SMARCA4: variants seen among roughly 807,000 people sequenced by gnomAD.
SMARCA4 encodes SWI/SNF related BAF chromatin remodeling complex subunit ATPase 4.
SMARCA4 carries 31 observed loss-of-function variants against 193.9 expected under a neutral mutation model. The ratio of observed to expected loss-of-function variants is 0.16; its 90% CI spans 0.12 to 0.22. The LOEUF (loss-of-function observed/expected upper bound fraction) is 0.22. SMARCA4 is among the 10% of genes least tolerant of loss of function. The pLI, the probability that SMARCA4 is intolerant of heterozygous loss-of-function variation, is 1.00. For missense variants in SMARCA4, 1,148 were observed against 2,296.0 expected, an observed-to-expected ratio of 0.50 and a Z score of 10.22; for synonymous variants, 942 against 933.1, an observed-to-expected ratio of 1.01 and a Z score of -0.17.
chr19:11,009,930 C>G (rs2088655886), intron 14 of SMARCA4, among the ~76,000 whole-genome samples: 1 of 152,126 alleles, frequency 6.6e-6, no homozygotes, highest in Non-Finnish European at 1.5e-5. Flanking sequence ...CTCAGGTGAT[C>G]CACATGCCTT....
chr19:10,988,682 A>G (rs753272364), intron 6 of SMARCA4, among the ~76,000 whole-genome samples: 1 of 152,018 alleles, frequency 6.6e-6, no homozygotes, highest in Non-Finnish European at 1.5e-5. Context: ...TGTCACTTCC[A>G]GCCACTCTCT....
intron 19 of SMARCA4, among the ~76,000 whole-genome samples, chr19:11,022,314 T>G (rs541975058): frequency 1.3e-4 from 20 of 152,196 alleles, no homozygotes; most frequent in Admixed American, 4.6e-4. Flanking sequence ...TGTAGGCCCC[T>G]TTAGGTGCCC....
chr19:11,054,406 T>G (rs1187024021), intron 30 of SMARCA4, among the ~76,000 whole-genome samples: 1 of 152,178 alleles, frequency 6.6e-6, no homozygotes, highest in Non-Finnish European at 1.5e-5. Flanking sequence ...CCTGTGTGTT[T>G]CTGCATCATC....
intron 30 of SMARCA4, among the ~76,000 whole-genome samples, chr19:11,056,013 A>C (rs145311416): frequency 6.6e-6 from 1 of 152,062 alleles, no homozygotes. Context: ...GTAAAGCGCA[A>C]CTCTTGCTGT....
At chr19:11,039,626 T>A (rs2075467775) in intron 29 of SMARCA4, 5 of 748,432 alleles carry the variant, frequency 6.7e-6, no homozygotes, top group Non-Finnish European at 6.3e-6. Context: ...GCCCCTGAAC[T>A]GTGTACTAAA....
intron 16 of SMARCA4, among the ~76,000 whole-genome samples, chr19:11,014,556 G>C (rs144035866): frequency 6.6e-6 from 1 of 152,258 alleles, no homozygotes; most frequent in East Asian, 1.9e-4. Context: ...TCTGTGTCTG[G>C]AGGCTGTTCC....
chr19:11,017,548 C>T (rs1015151654), intron 16 of SMARCA4, among the ~76,000 whole-genome samples: 3 of 152,264 alleles, frequency 2.0e-5, no homozygotes, highest in Admixed American at 2.0e-4. Context: ...ATTGCTGCCT[C>T]CTGCCATGAG....
Position 10,986,718 on chromosome 19 carries a change from C to A in SMARCA4, c.760+125C>A. 1 of 1,413,148 alleles carries A rather than the reference C, an allele frequency of 7.1e-7. No homozygotes were observed. The highest frequency in any genetic ancestry group is 9.6e-7 in the Non-Finnish European group (1 of 1,039,624). 87.5% of individuals were successfully genotyped at this position (1,413,148 alleles called of 1,614,324 possible). A position where few individuals can be genotyped will look rare whatever the true frequency, so the allele number is the denominator to read the frequency against. The stretch of plus-strand genomic sequence containing the variant: ...CGGTTTGGGATTGCACGGGCCCATA[C>A]TGCACTTCTGGGTGCTCGGGTGGTG... On this transcript the variant is annotated intron_variant, in intron 4 of 34. Coordinates refer to ENST00000344626, the MANE Select transcript of SMARCA4 (RefSeq NM_003072.5). This position sits in a 1 kb window ranked among gnomAD's most constrained non-coding sequence, Gnocchi z 6.7.
At position 11,019,351 on chromosome 19, in the gene SMARCA4, G is replaced by A. The variant is rs573618396; in HGVS notation, c.2506-240G>A. On this transcript the variant is annotated intron_variant, in intron 17 of 34. Transcript: ENST00000344626. The surrounding 1 kb of genome is among the most constrained non-coding windows in gnomAD (Gnocchi z 6.1). ...TGCAGATGGCGGTGCAGGCTGCGTGGTTCCCTCAGGCCCCGGCCGCCGCTG... is the reference window on the plus strand; with the variant it reads ...TGCAGATGGCGGTGCAGGCTGCGTGATTCCCTCAGGCCCCGGCCGCCGCTG... 4.6e-5 allele frequency: 28 copies of A among 605,792 alleles called. No individual in the cohort carries two copies. Among genetic ancestry groups the A allele is most frequent in the Non-Finnish European group, 7.7e-5 (26 of 339,596 alleles). The allele number at this position is 605,792 out of a possible 1,614,324, so 37.5% of individuals were successfully genotyped here.
intron 30 of SMARCA4, among the ~76,000 whole-genome samples, chr19:11,048,669 G>A (rs1033642770): frequency 7.2e-5 from 11 of 152,214 alleles, no homozygotes; most frequent in African/African-American, 2.2e-4. Context: ...CTGGGCACCC[G>A]CTGCTGTGTT....
At chr19:11,056,669 C>G (rs2076564101) in intron 30 of SMARCA4, among the ~76,000 whole-genome samples, 1 of 152,118 alleles carries the variant, frequency 6.6e-6, no homozygotes, top group Non-Finnish European at 1.5e-5. Context: ...AGGGGAGGTG[C>G]AGGGACAGGA....
At position 11,058,592 on chromosome 19, in the gene SMARCA4, G is replaced by A. The variant is rs935790763; in HGVS notation, c.4534-196G>A. 1.3e-5 allele frequency among the ~76,000 whole-genome samples: 2 copies of A among 152,132 alleles called. No homozygotes were observed. Among genetic ancestry groups the A allele is most frequent in the African/African-American group, 4.8e-5 (2 of 41,402 alleles). On this transcript the variant is annotated intron_variant, in intron 31 of 34. Coordinates refer to ENST00000344626, the MANE Select transcript of SMARCA4 (RefSeq NM_003072.5). This position sits in a 1 kb window ranked among gnomAD's most constrained non-coding sequence, Gnocchi z 5.8. ...CAGTCGGTGTTGGGTGTTCCTTCAA[G>A]GTCCCACTCACTTAGTGCTGGGCCT... is the stretch of plus-strand genomic sequence containing the variant.
At chr19:11,025,378 A>G (rs1386273838) in intron 21 of SMARCA4, 44 bp from the exon 22 acceptor site, 1 of 1,353,628 alleles carries the variant, frequency 7.4e-7, no homozygotes, top group African/African-American at 1.4e-5. Context: ...ACCCCACCCC[A>G]GGAGGGCAAG....
Position 11,027,798 on chromosome 19 carries a change from G to A in SMARCA4, c.3230G>A (p.Arg1077Gln), listed in dbSNP as rs2146541619. The change falls in exon 24 of 35, where the codon CGA becomes CAA. Residue 1077 changes from arginine to glutamine, a missense_variant. Arg to Gln is a conservative substitution (Grantham distance 43, BLOSUM62 1). This residue lies in a region of SMARCA4 where 74 missense variants were observed against 392.3 expected (regional missense o/e 0.19). Coordinates refer to ENST00000344626, the MANE Select transcript of SMARCA4 (RefSeq NM_003072.5). ...GGIVQGLDLY[R>Q]ASGKFELLDR... is the part of the protein sequence containing the mutation. ...CCACACTCCAGGCTGGACCTGTACC[G>A]AGCCTCGGGTAAATTTGAGCTTCTT... 6.2e-7 allele frequency: 1 copy of A among 1,614,064 alleles called. No individual in the cohort carries two copies.
chr19:10,987,041 T>C lies in SMARCA4; in HGVS notation c.859+38T>C. ...TTCTATGGTGGTGCACCCGTGCCCTTACTCCCCATCTCAAGCTTGGGTCCT... is the reference window on the plus strand; with the variant it reads ...TTCTATGGTGGTGCACCCGTGCCCTCACTCCCCATCTCAAGCTTGGGTCCT... On this transcript the variant is annotated intron_variant, in intron 5 of 34. Coordinates refer to ENST00000344626, the MANE Select transcript of SMARCA4 (RefSeq NM_003072.5). The surrounding 1 kb of genome is among the most constrained non-coding windows in gnomAD (Gnocchi z 5.3). The C allele has an allele frequency of 6.9e-7, 1 of 1,451,696 alleles. No homozygotes were observed. Among genetic ancestry groups the C allele is most frequent in the Non-Finnish European group, 9.6e-7 (1 of 1,045,706 alleles). 89.9% of individuals were successfully genotyped at this position (1,451,696 alleles called of 1,614,324 possible). A position where few individuals can be genotyped will look rare whatever the true frequency, so the allele number is the denominator to read the frequency against.
Position 10,987,640 on chromosome 19 carries a change from C to T in SMARCA4, c.860-26C>T, listed in dbSNP as rs748786800. 2.2e-5 allele frequency: 35 copies of T among 1,612,350 alleles called. No homozygotes were observed. Among genetic ancestry groups the T allele is most frequent in the African/African-American group, 8.0e-5 (6 of 74,892 alleles). The stretch of plus-strand genomic sequence containing the variant: ...GGATGGGCCCCAGAGCTCAACATGA[C>T]GCCCTGGCCCCTTGCCTTCTCCCAG... On this transcript the variant is annotated intron_variant, in intron 5 of 34. Transcript: ENST00000344626. This position sits in a 1 kb window ranked among gnomAD's most constrained non-coding sequence, Gnocchi z 5.3.
rs575962887 is a variant in SMARCA4, at chr19:11,006,331, C to T, written c.2002-1571C>T. ...TGCAACATGAATGATTAAACAAGTT[C>T]GTAGATAACTTGCAGTAAACTGAGA... On this transcript the variant is annotated intron_variant, in intron 13 of 34. Transcript: ENST00000344626. 5.3e-5 allele frequency among the ~76,000 whole-genome samples: 8 copies of T among 152,310 alleles called. No individual in the cohort carries two copies. The East Asian group carries it at 5.8e-4, about 11-fold the overall frequency.
chr19:10,962,130 TG>T (rs1461839961), intron 1 of SMARCA4, among the ~76,000 whole-genome samples: 1 of 152,174 alleles, frequency 6.6e-6, no homozygotes, highest in Non-Finnish European at 1.5e-5. Context: ...CTTAGCACAC[TG>T]TCACTTTAGG....
At chr19:11,003,712 T>A (rs2087882175) in intron 13 of SMARCA4, among the ~76,000 whole-genome samples, 1 of 137,300 alleles carries the variant, frequency 7.3e-6, no homozygotes, top group Non-Finnish European at 1.6e-5. Context: ...CATTTGCCCA[T>A]TTTTTTTTTT....
Sources: gnomAD v4.1 joint callset for allele counts (sites outside exome capture counted in the v4.1 genomes callset) on GRCh38, gnomAD v4.1.1 for gene constraint, gnomAD v4.1.1 regional missense constraint, Gnocchi (gnomAD v3.1) non-coding constraint, MANE v1.5 for transcripts, NCBI Gene and HGNC (gene_info 2026-07-23, HGNC 2026-07-21) for gene names.